NAALADL2: variants seen among roughly 807,000 people sequenced by gnomAD.
The protein encoded by NAALADL2 is inactive N-acetylated-alpha-linked acidic dipeptidase-like protein 2.
NAALADL2 carries 76 observed loss-of-function variants against 87.2 expected under a neutral mutation model. The ratio of observed to expected loss-of-function variants is 0.87; its 90% CI spans 0.72 to 1.05. The LOEUF is 1.05. Among genes scored for constraint, NAALADL2 ranks in the 50% least tolerant of loss-of-function variants. The pLI, the probability that NAALADL2 is intolerant of heterozygous loss-of-function variation, is 0.00. For missense variants in NAALADL2, 1,089 were observed against 945.8 expected, an observed-to-expected ratio of 1.15 and a Z score of -1.99; for synonymous variants, 354 against 331.0, an observed-to-expected ratio of 1.07 and a Z score of -0.75.
intron 3 of NAALADL2, among the ~76,000 whole-genome samples, chr3:174,756,633 T>C (rs567366199): frequency 6.6e-6 from 1 of 152,358 alleles, no homozygotes; most frequent in South Asian, 2.1e-4. Flanking sequence ...CACAGACTTC[T>C]GTCATGAACA....
intron 5 of NAALADL2, among the ~76,000 whole-genome samples, chr3:175,388,600 A>C (rs896741884): frequency 6.6e-6 from 1 of 152,264 alleles, no homozygotes; most frequent in Middle Eastern, 3.4e-3. Flanking sequence ...ACTTGATAAG[A>C]GTACTGAGAG....
intron 2 of NAALADL2, among the ~76,000 whole-genome samples, chr3:175,209,091 C>T (rs1288768577): frequency 6.6e-6 from 1 of 152,064 alleles, no homozygotes; most frequent in African/African-American, 2.4e-5. Context: ...TGTTTGATCT[C>T]CTTTCTCTAC....
chr3:174,703,404 A>G (rs1219093744), intron 2 of NAALADL2, among the ~76,000 whole-genome samples: 1 of 151,400 alleles, frequency 6.6e-6, no homozygotes. Context: ...TAGTGAGGTG[A>G]GGAGCAGCAA....
At chr3:174,654,503 T>C (rs1320711435) in intron 2 of NAALADL2, among the ~76,000 whole-genome samples, 2 of 152,116 alleles carry the variant, frequency 1.3e-5, no homozygotes, top group Admixed American at 1.3e-4. Flanking sequence ...AATTGTCAGA[T>C]AGATGAGATC....
chr3:174,677,007 G>T (rs964173130), intron 2 of NAALADL2, among the ~76,000 whole-genome samples: 1 of 151,538 alleles, frequency 6.6e-6, no homozygotes, highest in African/African-American at 2.4e-5. Context: ...TATACCTCTT[G>T]GCTAGCTAGC....
At position 175,573,028 on chromosome 3, in the gene NAALADL2, C is replaced by T. The variant is rs73047341; in HGVS notation, c.1654-3013C>T. Reference sequence around the variant, plus strand: ...ATTATATAACTAAATGTTTATATAACTAATGATGACAATGAAAATATCAAA... The same window carrying T: ...ATTATATAACTAAATGTTTATATAATTAATGATGACAATGAAAATATCAAA... On this transcript the variant is annotated intron_variant, in intron 9 of 13. Transcript: ENST00000454872. Among the ~76,000 whole-genome samples the T allele has an allele frequency of 6.4e-3, 976 of 152,094 alleles. 9 individuals are homozygous for T. The highest frequency in any genetic ancestry group is 0.023 in the African/African-American group (945 of 41,472).
At chr3:175,338,529 AG>A (rs1762227997) in intron 5 of NAALADL2, among the ~76,000 whole-genome samples, 1 of 149,624 alleles carries the variant, frequency 6.7e-6, no homozygotes, top group Non-Finnish European at 1.5e-5. Flanking sequence ...CCAGTTTTAT[AG>A]CAACAGAGGC....
chr3:175,523,181 G>A (rs1732904645), intron 9 of NAALADL2, among the ~76,000 whole-genome samples: 1 of 152,158 alleles, frequency 6.6e-6, no homozygotes, highest in Non-Finnish European at 1.5e-5. Flanking sequence ...TTGCCGCCTG[G>A]AAACATTTGG....
At chr3:175,092,946 T>C (rs1720419248) in intron 1 of NAALADL2, among the ~76,000 whole-genome samples, 1 of 151,860 alleles carries the variant, frequency 6.6e-6, no homozygotes, top group African/African-American at 2.4e-5. Flanking sequence ...ATATAACATG[T>C]AAGGGTGTTA....
chr3:175,807,278 C>T lies in NAALADL2; in HGVS notation c.*4075C>T, dbSNP rs537508912. Reference sequence around the variant, plus strand: ...CAATTGACTTTTTAAATTAAATAAACGTAGAGCATATAGTAAGTTTCCCCA... The same window carrying T: ...CAATTGACTTTTTAAATTAAATAAATGTAGAGCATATAGTAAGTTTCCCCA... On this transcript the variant is annotated 3_prime_UTR_variant, in exon 14 of 14. Coordinates refer to ENST00000454872, the MANE Select transcript of NAALADL2 (RefSeq NM_207015.3). 2 of 151,858 alleles carry T rather than the reference C, an allele frequency of 1.3e-5. No homozygotes were observed. Among genetic ancestry groups the T allele is most frequent in the South Asian group, 2.1e-4 (1 of 4,822 alleles). 9.4% of individuals were successfully genotyped at this position (151,858 alleles called of 1,614,324 possible). A position where few individuals can be genotyped will look rare whatever the true frequency, so the allele number is the denominator to read the frequency against.
intron 2 of NAALADL2, among the ~76,000 whole-genome samples, chr3:174,636,927 C>T (rs1445086424): frequency 6.6e-6 from 1 of 152,014 alleles, no homozygotes; most frequent in African/African-American, 2.4e-5. Flanking sequence ...CATAAGTTTC[C>T]AGCAATAAAT....
At chr3:175,767,467 G>T (rs1042075019) in intron 13 of NAALADL2, 2 of 151,928 alleles carry the variant, frequency 1.3e-5, no homozygotes, top group Non-Finnish European at 2.9e-5. Flanking sequence ...AAAGTTAGAA[G>T]GCAATCTAGA....
chr3:174,819,693 T>C lies in NAALADL2; in HGVS notation c.-9+81947T>C, dbSNP rs974278624. Reference sequence around the variant, plus strand: ...AACTGAACCAGAAAACTCTTTCCTATAATTTTTGTATGAAGGTATATAGCC... The same window carrying C: ...AACTGAACCAGAAAACTCTTTCCTACAATTTTTGTATGAAGGTATATAGCC... On this transcript the variant is annotated intron_variant, in intron 3 of 3. Coordinates refer to the NAALADL2 transcript ENST00000434257. Among the ~76,000 whole-genome samples the C allele has an allele frequency of 1.1e-4, 17 of 152,154 alleles. 1 individual carries two copies. Among genetic ancestry groups the C allele is most frequent in the Non-Finnish European group, 2.1e-4 (14 of 68,032 alleles).
chr3:175,693,321 A>G (rs2149925464), intron 11 of NAALADL2, among the ~76,000 whole-genome samples: 1 of 152,220 alleles, frequency 6.6e-6, no homozygotes, highest in African/African-American at 2.4e-5. Context: ...CCCTACACTA[A>G]ATTGTGTTAT....
rs189323892 is a variant in NAALADL2 at position 174,802,086 on chromosome 3, A to G, written c.-9+64340A>G. The stretch of plus-strand genomic sequence containing the variant: ...AAAAAACTTTTCTTTCAAGTTTTCA[A>G]TGTCAGTCTATGTCCACACTTATTA... On this transcript the variant is annotated intron_variant, in intron 3 of 3. Coordinates refer to the NAALADL2 transcript ENST00000434257. 1.3e-4 allele frequency among the ~76,000 whole-genome samples: 20 copies of G among 152,176 alleles called. No individual in the cohort carries two copies. In the East Asian group the frequency reaches 1.9e-3, roughly 15 times the overall value.
At chr3:174,650,407 A>G (rs377244025) in intron 2 of NAALADL2, among the ~76,000 whole-genome samples, 2 of 152,154 alleles carry the variant, frequency 1.3e-5, no homozygotes, top group East Asian at 3.9e-4. Flanking sequence ...CAGTATGCCA[A>G]CTAGTATGTT....
At chr3:175,410,383 G>T (rs572862345) in intron 5 of NAALADL2, among the ~76,000 whole-genome samples, 12 of 152,198 alleles carry the variant, frequency 7.9e-5, no homozygotes, top group African/African-American at 2.9e-4. Flanking sequence ...TGGTTGAGTT[G>T]TAACCCACAG....
At chr3:174,931,864 A>C (rs1736936928) in intron 1 of NAALADL2, among the ~76,000 whole-genome samples, 1 of 152,204 alleles carries the variant, frequency 6.6e-6, no homozygotes, top group Admixed American at 6.5e-5. Flanking sequence ...AGATCAGATA[A>C]CTTCTATTGC....
At chr3:175,322,233 G>A (rs1258091529) in intron 4 of NAALADL2, among the ~76,000 whole-genome samples, 2 of 150,684 alleles carry the variant, frequency 1.3e-5, no homozygotes, top group Non-Finnish European at 3.0e-5. Context: ...AGCAAGCAAT[G>A]GGGAAAGGAT....
Sources: gnomAD v4.1 joint callset for allele counts (sites outside exome capture counted in the v4.1 genomes callset) on GRCh38, gnomAD v4.1.1 for gene constraint, MANE v1.5 for transcripts, NCBI Gene and HGNC (gene_info 2026-07-23, HGNC 2026-07-21) for gene names.